The following TBC1D1 variants were observed in gnomAD, a reference collection of about 807,000 sequenced individuals.
TBC1D1 encodes TBC1 domain family member 1, also known as TBC1 (tre-2/USP6, BUB2, cdc16) domain family, member 1.
In TBC1D1, 89 loss-of-function variants were observed where a neutral mutation model predicts 125.6. That is an observed-to-expected ratio of 0.71 (90% confidence interval 0.60 to 0.85). The LOEUF (loss-of-function observed/expected upper bound fraction) is 0.85, where lower values mean the gene tolerates loss of function less well. Among genes scored for constraint, TBC1D1 ranks in the 40% least tolerant of loss-of-function variants. TBC1D1 has a pLI of 0.00. For synonymous variants in TBC1D1, 565 were observed against 564.1 expected (o/e 1.00, Z -0.02); for missense variants, 1,377 against 1,469.2 (o/e 0.94, Z 1.03).
chr4:37,949,863 G>A (rs954457387), intron 2 of TBC1D1, among the ~76,000 whole-genome samples: 2 of 152,036 alleles, frequency 1.3e-5, no homozygotes, highest in Non-Finnish European at 1.5e-5. Flanking sequence ...ACATTGTGTG[G>A]GTTGGATTTG....
Position 38,080,969 on chromosome 4 carries a change from T to G in TBC1D1, c.2051-8963T>G, listed in dbSNP as rs192435311. Among the ~76,000 whole-genome samples the G allele has an allele frequency of 1.1e-3, 161 of 152,340 alleles. 1 individual carries two copies. The highest frequency in any genetic ancestry group is 1.5e-4 in the Non-Finnish European group (10 of 68,032). On this transcript the variant is annotated intron_variant, in intron 12 of 19. Transcript: ENST00000261439. The stretch of plus-strand genomic sequence containing the variant: ...TATATGAAAGTGTCAGATATCTATA[T>G]ATGAAGTATATGTGAAGTTTTATGA...
At chr4:38,112,987 G>A (rs1762440825) in intron 15 of TBC1D1, among the ~76,000 whole-genome samples, 1 of 152,158 alleles carries the variant, frequency 6.6e-6, no homozygotes, top group Non-Finnish European at 1.5e-5. Context: ...TGCTGATAAA[G>A]GTCATTGGTT....
chr4:37,982,891 T>C (rs985714490), intron 2 of TBC1D1, among the ~76,000 whole-genome samples: 2 of 152,144 alleles, frequency 1.3e-5, no homozygotes, highest in Admixed American at 1.3e-4. Context: ...GGGCAGAGAA[T>C]AACGGGAAGG....
At chr4:37,893,590 G>A (rs773771706) in intron 1 of TBC1D1, among the ~76,000 whole-genome samples, 7 of 152,012 alleles carry the variant, frequency 4.6e-5, no homozygotes, top group Admixed American at 2.0e-4. Flanking sequence ...AGTCCAAGGC[G>A]GGTGGATCAC....
intron 2 of TBC1D1, among the ~76,000 whole-genome samples, chr4:37,968,102 A>G (rs964137688): frequency 1.3e-5 from 2 of 152,250 alleles, no homozygotes; most frequent in African/African-American, 4.8e-5. Flanking sequence ...AAATAGCAAA[A>G]TGTAATAATT....
intron 2 of TBC1D1, chr4:37,960,866 G>A (rs1483139200): frequency 6.2e-6 from 10 of 1,614,022 alleles, no homozygotes; most frequent in African/African-American, 5.3e-5. Flanking sequence ...TGAGTGGAGT[G>A]CCTCTCATGA....
At position 38,014,580 on chromosome 4, in the gene TBC1D1, C is replaced by T; in HGVS notation, c.489C>T (p.Ser163=). 4 of 1,613,388 alleles carry T rather than the reference C, an allele frequency of 2.5e-6. No individual in the cohort carries two copies. Among genetic ancestry groups the T allele is most frequent in the Non-Finnish European group, 3.4e-6 (4 of 1,180,034 alleles). Residue 163 remains serine (S), a synonymous_variant, in exon 3 of 20, where the codon TCC becomes TCT. Transcript: ENST00000261439. This position sits in a 1 kb window ranked among gnomAD's most constrained non-coding sequence, Gnocchi z 5.1. ...GGCAGGAGGAGCTGCACTGCCCGTC[C>T]GAGTTCGACGACACGTTTTCCAAGA...
At chr4:38,038,608 C>G (rs1747669040) in intron 8 of TBC1D1, among the ~76,000 whole-genome samples, 1 of 151,994 alleles carries the variant, frequency 6.6e-6, no homozygotes, top group South Asian at 2.1e-4. Flanking sequence ...GAGTTTTGAC[C>G]ACTGCTGCTA....
Position 37,902,237 on chromosome 4 carries a change from C to A in TBC1D1, c.142C>A (p.Arg48=). 5 of 1,613,944 alleles carry A rather than the reference C, an allele frequency of 3.1e-6. No homozygotes were observed. Among genetic ancestry groups the A allele is most frequent in the Non-Finnish European group, 4.2e-6 (5 of 1,180,002 alleles). The change falls in exon 2 of 20, where the codon CGA becomes AGA. Residue 48 remains arginine (R), a synonymous_variant. Transcript: ENST00000261439. ...GCTGCCCTGGGTTGTGGCTGAGGTG[C>A]GAAGACTCAGCAGGCAGTCCACCAG...
At chr4:38,050,003 CT>C in intron 11 of TBC1D1, 105 bp downstream of exon 11, 1 of 1,313,188 alleles carries the variant, frequency 7.6e-7, no homozygotes, top group Non-Finnish European at 1.0e-6. Flanking sequence ...ATGAGTCAGG[CT>C]TTACTCTTGG....
chr4:38,030,596 T>C (rs1210694016), intron 7 of TBC1D1: 2 of 152,254 alleles, frequency 1.3e-5, no homozygotes, highest in Non-Finnish European at 2.9e-5. Context: ...AAGTCATTGG[T>C]TTCATTTTAG....
chr4:38,039,951 T>C (rs1361217295), intron 8 of TBC1D1, among the ~76,000 whole-genome samples: 1 of 124,482 alleles, frequency 8.0e-6, no homozygotes, highest in Non-Finnish European at 1.7e-5. Flanking sequence ...CCCATCTCTG[T>C]TTTTTTTTTT....
intron 2 of TBC1D1, among the ~76,000 whole-genome samples, chr4:37,913,532 G>A (rs1719045348): frequency 6.6e-6 from 1 of 152,068 alleles, no homozygotes; most frequent in Admixed American, 6.6e-5. Context: ...CCAGGAGGCA[G>A]AGGTTGCGGT....
chr4:38,121,658 G>A (rs2152599913), intron 17 of TBC1D1, among the ~76,000 whole-genome samples: 1 of 152,224 alleles, frequency 6.6e-6, no homozygotes, highest in East Asian at 1.9e-4. Context: ...TTCAAATGCA[G>A]GACATTTGCT....
chr4:38,037,619 T>G (rs1366886448), intron 8 of TBC1D1, among the ~76,000 whole-genome samples: 2 of 152,190 alleles, frequency 1.3e-5, no homozygotes, highest in Non-Finnish European at 2.9e-5. Flanking sequence ...ACCTAAAAAT[T>G]TCTAAAGCTT....
At chr4:38,024,158 C>T (rs1381236937) in intron 6 of TBC1D1, among the ~76,000 whole-genome samples, 1 of 152,216 alleles carries the variant, frequency 6.6e-6, no homozygotes, top group East Asian at 1.9e-4. Context: ...ATATATTCAA[C>T]TGTGTTTTCC....
rs369744022 is a variant in TBC1D1, at chr4:38,014,548, A to G, written c.457A>G (p.Ile153Val). 1.9e-6 allele frequency: 3 copies of G among 1,613,094 alleles called. No individual in the cohort carries two copies. Among genetic ancestry groups the G allele is most frequent in the Middle Eastern group, 1.6e-4 (1 of 6,084 alleles). Residue 153 changes from isoleucine to valine, a missense_variant, in exon 3 of 20, where the codon ATC (isoleucine) becomes GTC (valine). Around this residue, in one of 3 missense-constraint regions of TBC1D1, gnomAD observed 822 missense variants for 824.6 expected, o/e 1.00. Transcript: ENST00000261439. This position sits in a 1 kb window ranked among gnomAD's most constrained non-coding sequence, Gnocchi z 5.1. ...CAGCTCCATCCGTCAGGCGGGGAAGATCGCCCGGCAGGAGGAGCTGCACTG... is the reference window on the plus strand; with the variant it reads ...CAGCTCCATCCGTCAGGCGGGGAAGGTCGCCCGGCAGGAGGAGCTGCACTG...
rs1467131644 is a variant in TBC1D1 at position 38,054,179 on chromosome 4, C to G, written c.1911-20C>G. ...GAATTCCTCCCCACTAGTCATAAAT[C>G]AATCATCTTATAATTTTAGGGACTT... On this transcript the variant is annotated intron_variant, in intron 11 of 19. Transcript: ENST00000261439. 1.9e-6 allele frequency: 3 copies of G among 1,611,624 alleles called. No individual in the cohort carries two copies. The highest frequency in any genetic ancestry group is 2.5e-6 in the Non-Finnish European group (3 of 1,177,990).
At chr4:37,909,477 TAG>T (rs1241069776) in intron 2 of TBC1D1, among the ~76,000 whole-genome samples, 1 of 152,228 alleles carries the variant, frequency 6.6e-6, no homozygotes, top group African/African-American at 2.4e-5. Context: ...GGATTTTCAA[TAG>T]AGTCTGGCTT....
Sources: gnomAD v4.1 joint callset for allele counts (sites outside exome capture counted in the v4.1 genomes callset) on GRCh38, gnomAD v4.1.1 for gene constraint, gnomAD v4.1.1 regional missense constraint, Gnocchi (gnomAD v3.1) non-coding constraint, MANE v1.5 for transcripts, NCBI Gene and HGNC (gene_info 2026-07-23, HGNC 2026-07-21) for gene names.